The following CARF variants were observed in gnomAD, a reference collection of about 807,000 sequenced individuals.
The protein encoded by CARF is calcium-responsive transcription factor.
Under a neutral mutation model 82.0 loss-of-function variants are expected in CARF, and 57 were observed. The observed-to-expected ratio is 0.70, with a 90% CI of 0.56 to 0.87. The LOEUF (loss-of-function observed/expected upper bound fraction) is 0.87. Ranked by LOEUF, CARF falls within the 40% of genes least tolerant of loss-of-function variation. The probability of loss-of-function intolerance (pLI) is 0.00; values close to 1 mark genes in which losing one functional copy is unlikely to be tolerated. For synonymous variants in CARF, 268 were observed against 290.1 expected, an observed-to-expected ratio of 0.92 and a Z score of 0.77; for missense variants, 771 against 855.8, an observed-to-expected ratio of 0.90 and a Z score of 1.24.
Position 202,966,667 on chromosome 2 carries a change from G to A in CARF, c.833-311G>A, listed in dbSNP as rs990323151. The stretch of plus-strand genomic sequence containing the variant: ...GGAGGTTGCAGTGAGCCAAGATTGC[G>A]CCACTGTGCTCCAGCCTGGGTGACA... On this transcript the variant is annotated intron_variant, in intron 9 of 16. Coordinates refer to ENST00000438828, the MANE Select transcript of CARF (RefSeq NM_024744.17). Among the ~76,000 whole-genome samples, 3 of 151,686 alleles carry A rather than the reference G, an allele frequency of 2.0e-5. No individual in the cohort carries two copies. The East Asian group carries it at 5.8e-4, about 29-fold the overall frequency.
At chr2:202,927,218 T>G (rs1692007938) in intron 3 of CARF, among the ~76,000 whole-genome samples, 2 of 152,194 alleles carry the variant, frequency 1.3e-5, no homozygotes, top group African/African-American at 4.8e-5. Context: ...TGTCTTTTTA[T>G]TCTGTTTCAT....
intron 2 of CARF, among the ~76,000 whole-genome samples, chr2:202,920,067 GTGAT>G (rs1690503959): frequency 6.6e-6 from 1 of 152,028 alleles, no homozygotes; most frequent in South Asian, 2.1e-4. Flanking sequence ...GAATAGTAGA[GTGAT>G]TGTTGATAAT....
chr2:202,937,796 T>C (rs547500780), intron 3 of CARF, among the ~76,000 whole-genome samples: 2 of 152,214 alleles, frequency 1.3e-5, no homozygotes, highest in South Asian at 4.2e-4. Flanking sequence ...GGCTAGTTTT[T>C]ATATTTTTAG....
At chr2:202,958,178 T>C (rs2059137159) in intron 8 of CARF, among the ~76,000 whole-genome samples, 1 of 152,188 alleles carries the variant, frequency 6.6e-6, no homozygotes, top group Middle Eastern at 3.4e-3. Context: ...CCTTGTGCTA[T>C]ATATATTACA....
intron 3 of CARF, among the ~76,000 whole-genome samples, chr2:202,941,502 T>C (rs1228691738): frequency 1.3e-5 from 2 of 152,176 alleles, no homozygotes; most frequent in African/African-American, 4.8e-5. Flanking sequence ...ACCCAACTCA[T>C]AAAGTTGAAA....
intron 2 of CARF, 30 bp downstream of exon 2, chr2:202,918,073 A>G (rs1395290475): frequency 2.3e-6 from 1 of 443,706 alleles, no homozygotes; most frequent in Admixed American, 2.5e-5. Context: ...TGAAAGTAAC[A>G]ACTTTATTTT....
intron 3 of CARF, chr2:202,926,047 C>T (rs1691749622): frequency 1.2e-5 from 2 of 161,302 alleles, no homozygotes; most frequent in Non-Finnish European, 1.4e-5. Flanking sequence ...TGAAGAGGAT[C>T]GAGATCCACA....
At chr2:202,929,827 A>C (rs1692543047) in intron 3 of CARF, among the ~76,000 whole-genome samples, 1 of 152,130 alleles carries the variant, frequency 6.6e-6, no homozygotes, top group Non-Finnish European at 1.5e-5. Flanking sequence ...TCCTGGGCTC[A>C]AGCAATCCTC....
rs201808511 is a variant in CARF, at chr2:202,954,133, G to A, written c.556G>A (p.Gly186Arg). 5.3e-5 allele frequency: 85 copies of A among 1,610,886 alleles called. 1 individual carries two copies. Among genetic ancestry groups the A allele is most frequent in the Admixed American group, 2.4e-4 (14 of 59,386 alleles). ...CCCATTGCCCAAAAAGTCAGTGACC[G>A]GGTGAGTCCACGGGAAAGAGAAGCT... ...SFPLPKKSVT[G>R]MLEEPLLGPL... The change falls in exon 7 of 17, where the codon GGA becomes AGA. Residue 186 changes from glycine to arginine, a missense_variant and splice_region_variant. Gly to Arg is a moderately radical substitution (Grantham distance 125). Transcript: ENST00000438828.
chr2:202,966,329 T>A (rs998935733), intron 9 of CARF, among the ~76,000 whole-genome samples: 4 of 152,012 alleles, frequency 2.6e-5, no homozygotes, highest in African/African-American at 7.2e-5. Context: ...AACAAGAAAA[T>A]AATTATAAAA....
chr2:202,974,503 T>C lies in CARF; in HGVS notation c.1494+7T>C, dbSNP rs1294245428. On this transcript the variant is annotated splice_region_variant and intron_variant, in intron 13 of 16. Transcript: ENST00000438828. The stretch of plus-strand genomic sequence containing the variant: ...AGAGATTATTCCAGCAACGGTATGA[T>C]TACAACCATAATTCCTTATTACAGA... The C allele has an allele frequency of 1.3e-6, 2 of 1,587,258 alleles. No homozygotes were observed. The highest frequency in any genetic ancestry group is 1.7e-6 in the Non-Finnish European group (2 of 1,171,236).
intron 7 of CARF, among the ~76,000 whole-genome samples, chr2:202,954,757 C>G (rs1372556328): frequency 6.8e-6 from 1 of 148,014 alleles, no homozygotes; most frequent in Non-Finnish European, 1.5e-5. Flanking sequence ...TACCTGTAAT[C>G]CCAACACTTT....
At chr2:202,916,310 A>C (rs1574442441) in intron 1 of CARF, among the ~76,000 whole-genome samples, 1 of 151,966 alleles carries the variant, frequency 6.6e-6, no homozygotes. Context: ...CCTCCCCAGT[A>C]GCTAGGACTA....
At position 202,923,227 on chromosome 2, in the gene CARF, G is replaced by GTGAAT. The variant is rs1314876656; in HGVS notation, c.-162-1066_-162-1065insTTGAA. Among the ~76,000 whole-genome samples, 3 of 152,280 alleles carry GTGAAT rather than the reference G, an allele frequency of 2.0e-5. No homozygotes were observed. In the East Asian group the frequency reaches 5.8e-4, roughly 29 times the overall value. ...ATTGCACTCCAGCCTGGGCAAAAGA[G>GTGAAT]TGAAACTCCATCTCAAAAAACAAAA... is the stretch of plus-strand genomic sequence containing the variant. On this transcript the variant is annotated intron_variant, in intron 2 of 16. Coordinates refer to ENST00000438828, the MANE Select transcript of CARF (RefSeq NM_024744.17).
chr2:202,948,337 C>CT (rs1297655875), intron 5 of CARF, among the ~76,000 whole-genome samples: 2 of 151,998 alleles, frequency 1.3e-5, no homozygotes, highest in African/African-American at 2.4e-5. Context: ...GCTATTTGGC[C>CT]TTTTTTTGGT....
At chr2:202,930,155 C>G (rs945520281) in intron 3 of CARF, among the ~76,000 whole-genome samples, 6 of 152,130 alleles carry the variant, frequency 3.9e-5, no homozygotes, top group Admixed American at 1.3e-4. Context: ...TCAAGCGATT[C>G]TCATGCCTTA....
intron 2 of CARF, among the ~76,000 whole-genome samples, chr2:202,919,557 G>A (rs1302756699): frequency 6.6e-5 from 10 of 152,168 alleles, no homozygotes; most frequent in Non-Finnish European, 1.5e-5. Context: ...TAGCTTTTGG[G>A]TGGTGTCGGA....
At chr2:202,980,387 T>C (rs1346028680) in intron 14 of CARF, among the ~76,000 whole-genome samples, 1 of 151,814 alleles carries the variant, frequency 6.6e-6, no homozygotes, top group Non-Finnish European at 1.5e-5. Flanking sequence ...AGTTTTTATT[T>C]TTATTCATTT....
chr2:202,958,647 C>G (rs2059163564), intron 8 of CARF, among the ~76,000 whole-genome samples: 1 of 152,000 alleles, frequency 6.6e-6, no homozygotes, highest in South Asian at 2.1e-4. Flanking sequence ...TGCGGTGGCT[C>G]ACGTCTGTCA....
Sources: gnomAD v4.1 joint callset for allele counts (sites outside exome capture counted in the v4.1 genomes callset) on GRCh38, gnomAD v4.1.1 for gene constraint, MANE v1.5 for transcripts, NCBI Gene and HGNC (gene_info 2026-07-23, HGNC 2026-07-21) for gene names.